FBXW4: variants seen among roughly 807,000 people sequenced by gnomAD.
FBXW4 encodes the protein F-box/WD repeat-containing protein 4.
In FBXW4, 40 loss-of-function variants were observed where a neutral mutation model predicts 61.8. That is an observed-to-expected ratio of 0.65 (90% CI 0.50 to 0.84). The LOEUF is 0.84. FBXW4 is among the 40% of genes least tolerant of loss of function. The probability of loss-of-function intolerance (pLI) is 0.00; values close to 1 mark genes in which losing one functional copy is unlikely to be tolerated. For missense variants in FBXW4, 672 were observed against 753.8 expected, an observed-to-expected ratio of 0.89 and a Z score of 1.27; for synonymous variants, 311 against 313.8, an observed-to-expected ratio of 0.99 and a Z score of 0.10.
chr10:101,613,981 C>G (rs2063807905), intron 6 of FBXW4, among the ~76,000 whole-genome samples: 2 of 152,238 alleles, frequency 1.3e-5, no homozygotes, highest in South Asian at 4.1e-4. Flanking sequence ...CTCCCCAGAT[C>G]AGCATCCCTT....
At chr10:101,628,062 C>T (rs369081403) in intron 5 of FBXW4, 17 of 746,092 alleles carry the variant, frequency 2.3e-5, no homozygotes, top group African/African-American at 3.8e-5. Context: ...CTGTGCTAGG[C>T]GTGTCAAAGG....
chr10:101,625,139 C>T (rs1445326755), intron 5 of FBXW4: 5 of 285,950 alleles, frequency 1.7e-5, no homozygotes, highest in South Asian at 4.8e-5. Context: ...GCGAGCCTGT[C>T]GGGCTCCTGT....
At chr10:101,685,113 C>T (rs768870430) in intron 1 of FBXW4, among the ~76,000 whole-genome samples, 1 of 152,224 alleles carries the variant, frequency 6.6e-6, no homozygotes, top group Non-Finnish European at 1.5e-5. Context: ...CAGCCCCAGC[C>T]TACCTTTGCC....
intron 4 of FBXW4, among the ~76,000 whole-genome samples, chr10:101,670,688 G>T (rs572426669): frequency 6.6e-6 from 1 of 152,190 alleles, no homozygotes; most frequent in African/African-American, 2.4e-5. Context: ...CACACAGTAG[G>T]CACTCATAAG....
rs2064409250 is a variant in FBXW4, at chr10:101,676,450, G to A, written c.726-14C>T. 6.2e-7 allele frequency: 1 copy of A among 1,602,498 alleles called. No homozygotes were observed. Among genetic ancestry groups the A allele is most frequent in the Non-Finnish European group, 8.5e-7 (1 of 1,171,310 alleles). ...ACACTGGTCATCCTATGTCCAGACAGAACAGATAATCCAATCACTACAACT... is the reference window on the plus strand; with the variant it reads ...ACACTGGTCATCCTATGTCCAGACAAAACAGATAATCCAATCACTACAACT... On this transcript the variant is annotated splice_polypyrimidine_tract_variant and intron_variant, in intron 1 of 8. Coordinates refer to ENST00000331272, the MANE Select transcript of FBXW4 (RefSeq NM_022039.4).
Position 101,632,590 on chromosome 10 carries a change from G to A in FBXW4, c.1236-7780C>T, listed in dbSNP as rs572983904. ...GAGCAATGGGAGCACAGAATTAATA[G>A]AGAGGGGAAAAAATAAGGAAATAAA... On this transcript the variant is annotated intron_variant, in intron 5 of 8. Coordinates refer to ENST00000331272, the MANE Select transcript of FBXW4 (RefSeq NM_022039.4). Among the ~76,000 whole-genome samples the A allele has an allele frequency of 2.6e-5, 4 of 152,268 alleles. No homozygotes were observed. The South Asian group carries it at 6.2e-4, about 24-fold the overall frequency.
intron 5 of FBXW4, 79 bp downstream of exon 5, chr10:101,667,807 A>G: frequency 1.6e-6 from 2 of 1,278,166 alleles, no homozygotes; most frequent in Non-Finnish European, 2.3e-6. Context: ...CAACAGGAAG[A>G]TTTTCTAGCT....
intron 5 of FBXW4, among the ~76,000 whole-genome samples, chr10:101,630,277 T>A (rs2063941041): frequency 1.3e-5 from 2 of 152,278 alleles, no homozygotes; most frequent in Admixed American, 6.5e-5. Context: ...CCAGTGCTCC[T>A]AATTGGAGGA....
chr10:101,671,269 C>A (rs1219095144), intron 4 of FBXW4, among the ~76,000 whole-genome samples: 1 of 152,188 alleles, frequency 6.6e-6, no homozygotes, highest in Non-Finnish European at 1.5e-5. Context: ...AGGGGAGCTG[C>A]AAACCAGCTG....
chr10:101,647,023 T>C (rs1208653737), intron 5 of FBXW4, among the ~76,000 whole-genome samples: 1 of 152,184 alleles, frequency 6.6e-6, no homozygotes, highest in African/African-American at 2.4e-5. Flanking sequence ...CAGTCAGCGA[T>C]ACCACAAAAC....
At chr10:101,635,906 C>T (rs2063997455) in intron 5 of FBXW4, among the ~76,000 whole-genome samples, 1 of 151,630 alleles carries the variant, frequency 6.6e-6, no homozygotes, top group Admixed American at 6.6e-5. Flanking sequence ...AGCCCACTTC[C>T]TCCCTACCCT....
At chr10:101,653,793 G>A (rs895749840) in intron 5 of FBXW4, among the ~76,000 whole-genome samples, 1 of 152,056 alleles carries the variant, frequency 6.6e-6, no homozygotes, top group Admixed American at 6.5e-5. Context: ...CTTCCCATGT[G>A]ATCTTGCACA....
At chr10:101,687,510 G>A (rs115878498) in intron 1 of FBXW4, among the ~76,000 whole-genome samples, 13,030 of 152,154 alleles carry the variant, frequency 0.086, 630 homozygotes, top group African/African-American at 0.13. Flanking sequence ...CTTCTGTACA[G>A]TAACCACCAC....
intron 1 of FBXW4, among the ~76,000 whole-genome samples, chr10:101,692,426 A>G (rs2064616082): frequency 6.6e-6 from 1 of 152,044 alleles, no homozygotes; most frequent in Non-Finnish European, 1.5e-5. Context: ...CACCTCTTGC[A>G]CCAAAAGTGA....
intron 6 of FBXW4, chr10:101,623,033 T>C (rs931709236): frequency 2.0e-5 from 3 of 152,218 alleles, no homozygotes; most frequent in African/African-American, 7.2e-5. Context: ...ATATGAAATA[T>C]ATGGCAAATA....
chr10:101,673,440 C>A, intron 3 of FBXW4, 48 bp downstream of exon 3: 1 of 1,600,458 alleles, frequency 6.2e-7, no homozygotes, highest in Non-Finnish European at 8.6e-7. Flanking sequence ...AGAATGTCCC[C>A]GAAGTATAAG....
At chr10:101,682,871 T>A (rs2064492524) in intron 1 of FBXW4, among the ~76,000 whole-genome samples, 1 of 152,184 alleles carries the variant, frequency 6.6e-6, no homozygotes, top group Admixed American at 6.5e-5. Flanking sequence ...GGCTTTGACT[T>A]GAAAAAGCTC....
At chr10:101,673,118 G>C (rs1480789792) in intron 3 of FBXW4, 71 bp from the exon 4 acceptor site, 1 of 1,559,582 alleles carries the variant, frequency 6.4e-7, no homozygotes, top group African/African-American at 1.4e-5. Context: ...CAACTCTCCA[G>C]AAACAGCCCA....
chr10:101,651,055 T>A (rs1443706245), intron 5 of FBXW4, among the ~76,000 whole-genome samples: 1 of 152,170 alleles, frequency 6.6e-6, no homozygotes, highest in Non-Finnish European at 1.5e-5. Flanking sequence ...GCAAGCATTG[T>A]GTGGGGACCA....
Sources: gnomAD v4.1 joint callset for allele counts (sites outside exome capture counted in the v4.1 genomes callset) on GRCh38, gnomAD v4.1.1 for gene constraint, MANE v1.5 for transcripts, NCBI Gene and HGNC (gene_info 2026-07-23, HGNC 2026-07-21) for gene names.